SPECC1L: variants seen among roughly 807,000 people sequenced by gnomAD.
The protein encoded by SPECC1L is sperm antigen with calponin homology and coiled-coil domains 1 like, also known as cytospin-A.
In SPECC1L, 40 loss-of-function variants were observed where a neutral mutation model predicts 116.8. That is an observed-to-expected ratio of 0.34 (90% CI 0.27 to 0.45). The LOEUF (loss-of-function observed/expected upper bound fraction) is 0.45, where lower values mean the gene tolerates loss of function less well. SPECC1L is among the 20% of genes least tolerant of loss of function. The pLI is 1.00. For missense variants in SPECC1L, 1,110 were observed against 1,373.6 expected (o/e 0.81, Z 3.03); for synonymous variants, 504 against 500.6 (o/e 1.01, Z -0.09).
chr22:24,335,544 G>A (rs192816007), intron 9 of SPECC1L, among the ~76,000 whole-genome samples: 34 of 152,270 alleles, frequency 2.2e-4, no homozygotes, highest in African/African-American at 7.0e-4. Flanking sequence ...AAGGGATGTG[G>A]TTTTTTCAAA....
rs1425885230 is a variant in SPECC1L at position 24,317,433 on chromosome 22, G to A, written c.308-3855G>A. ...CTCCCAGATGGGGCGCTGGCCGGGC[G>A]GGGGGCTGACCCCCCAACCTCCCGG... is the stretch of plus-strand genomic sequence containing the variant. On this transcript the variant is annotated intron_variant, in intron 4 of 16. Coordinates refer to ENST00000314328, the MANE Select transcript of SPECC1L (RefSeq NM_015330.6). Among the ~76,000 whole-genome samples the A allele has an allele frequency of 2.5e-4, 31 of 125,214 alleles. 2 individuals are homozygous for A. The highest frequency in any genetic ancestry group is 8.0e-4 in the African/African-American group (29 of 36,030). 82.1% of individuals were successfully genotyped at this position (125,214 alleles called of 152,430 possible).
intron 14 of SPECC1L, among the ~76,000 whole-genome samples, chr22:24,386,676 T>C (rs1202688823): frequency 1.3e-5 from 2 of 152,092 alleles, no homozygotes; most frequent in Non-Finnish European, 2.9e-5. Flanking sequence ...CTATCTCAGC[T>C]CACTGCAAGC....
At position 24,322,741 on chromosome 22, in the gene SPECC1L, G is replaced by A; in HGVS notation, c.1761G>A (p.Lys587=). The part of the protein sequence containing the change: ...NRLKAQLENE[K]QKVAELYSIH... Reference sequence around the variant, plus strand: ...TGAAGGCTCAGCTGGAGAATGAAAAGCAGAAAGTGGCAGAGCTGTATTCTA... The same window carrying A: ...TGAAGGCTCAGCTGGAGAATGAAAAACAGAAAGTGGCAGAGCTGTATTCTA... Residue 587 remains lysine, a synonymous_variant, in exon 5 of 17, where the codon AAG becomes AAA. Coordinates refer to ENST00000314328, the MANE Select transcript of SPECC1L (RefSeq NM_015330.6). 1 of 1,579,968 alleles carries A rather than the reference G, an allele frequency of 6.3e-7. No homozygotes were observed. The highest frequency in any genetic ancestry group is 1.2e-5 in the South Asian group (1 of 84,434).
chr22:24,391,059 TAG>T (rs1205508863), intron 14 of SPECC1L, among the ~76,000 whole-genome samples: 2 of 151,784 alleles, frequency 1.3e-5, no homozygotes, highest in African/African-American at 4.8e-5. Context: ...GTATTTTTAG[TAG>T]AGACGGGGTT....
intron 4 of SPECC1L, among the ~76,000 whole-genome samples, chr22:24,315,404 A>G (rs142141964): frequency 9.2e-5 from 14 of 152,392 alleles, no homozygotes; most frequent in Non-Finnish European, 1.9e-4. Context: ...GGCCAAGGCC[A>G]TGCATTCATT....
At chr22:24,292,236 G>T (rs916863563) in intron 2 of SPECC1L, among the ~76,000 whole-genome samples, 11 of 152,194 alleles carry the variant, frequency 7.2e-5, no homozygotes, top group African/African-American at 2.7e-4. Flanking sequence ...ATGACAATAA[G>T]ATAAATTTAC....
chr22:24,392,620 CCATTAGACAA>C (rs2042293219), intron 14 of SPECC1L, among the ~76,000 whole-genome samples: 1 of 152,154 alleles, frequency 6.6e-6, no homozygotes, highest in Non-Finnish European at 1.5e-5. Flanking sequence ...GGGTAATTAG[CCATTAGACAA>C]CATAGGGCGG....
intron 14 of SPECC1L, among the ~76,000 whole-genome samples, chr22:24,398,103 T>G (rs1456424842): frequency 1.3e-5 from 2 of 152,154 alleles, no homozygotes; most frequent in Non-Finnish European, 2.9e-5. Context: ...AGAAAGGGAC[T>G]CAGGAACCAG....
chr22:24,330,540 T>C, intron 8 of SPECC1L, 109 bp downstream of exon 8: 1 of 1,224,006 alleles, frequency 8.2e-7, no homozygotes, highest in Non-Finnish European at 1.2e-6. Flanking sequence ...ACTTACTGAG[T>C]TTGGATCTGA....
Position 24,322,068 on chromosome 22 carries a change from T to TGGATGCACC in SPECC1L, c.1089_1097dup (p.Asp364_Pro366dup). On this transcript the variant is annotated inframe_insertion, in exon 5 of 17. Transcript: ENST00000314328. Reference sequence around the variant, plus strand: ...CCCCTCACATCGAGCGATGATGCGCTGGATGCACCATCCTCCTCAGAGTCG... The same window carrying TGGATGCACC: ...CCCCTCACATCGAGCGATGATGCGCTGGATGCACCGGATGCACCATCCTCCTCAGAGTCG... 2.5e-6 allele frequency: 4 copies of TGGATGCACC among 1,614,190 alleles called. No individual in the cohort carries two copies. Among genetic ancestry groups the TGGATGCACC allele is most frequent in the Non-Finnish European group, 3.4e-6 (4 of 1,180,022 alleles).
intron 14 of SPECC1L, among the ~76,000 whole-genome samples, chr22:24,409,653 T>G (rs2042655124): frequency 6.6e-6 from 1 of 152,100 alleles, no homozygotes; most frequent in South Asian, 2.1e-4. Context: ...TCCTGTCTCT[T>G]TAAAAAGTAA....
Position 24,363,241 on chromosome 22 carries a change from ATTCT to A in SPECC1L, c.2744-15_2744-12del. 6 of 1,607,712 alleles carry A rather than the reference ATTCT, an allele frequency of 3.7e-6. No individual in the cohort carries two copies. Among genetic ancestry groups the A allele is most frequent in the Non-Finnish European group, 5.1e-6 (6 of 1,174,236 alleles). On this transcript the variant is annotated splice_polypyrimidine_tract_variant and intron_variant, in intron 11 of 16. Coordinates refer to ENST00000314328, the MANE Select transcript of SPECC1L (RefSeq NM_015330.6). ...TTCAGCATCAGATTTCTTTATTGGG[ATTCT>A]TTCTACTTTGTACAGAGCATCTGTT...
intron 1 of SPECC1L, among the ~76,000 whole-genome samples, chr22:24,275,716 T>A (rs1312482309): frequency 6.6e-6 from 1 of 152,206 alleles, no homozygotes; most frequent in East Asian, 1.9e-4. Flanking sequence ...CAACTTTTTT[T>A]ATTTTTAGTT....
chr22:24,335,281 C>T (rs2041029370), intron 9 of SPECC1L, among the ~76,000 whole-genome samples: 1 of 152,198 alleles, frequency 6.6e-6, no homozygotes, highest in African/African-American at 2.4e-5. Context: ...AAGATCTTTT[C>T]TTGTTTAAAA....
At chr22:24,272,381 G>T (rs558276284) in intron 1 of SPECC1L, among the ~76,000 whole-genome samples, 2 of 150,422 alleles carry the variant, frequency 1.3e-5, no homozygotes, top group Non-Finnish European at 3.0e-5. Flanking sequence ...ACAAAAACCA[G>T]ATATAACAAG....
chr22:24,298,748 A>T (rs1192010156), intron 2 of SPECC1L, among the ~76,000 whole-genome samples: 2 of 152,202 alleles, frequency 1.3e-5, no homozygotes, highest in Non-Finnish European at 2.9e-5. Context: ...TTTTTGTTTT[A>T]TTCAGGTCTA....
At chr22:24,365,990 G>A (rs1022766774) in intron 13 of SPECC1L, among the ~76,000 whole-genome samples, 12 of 152,052 alleles carry the variant, frequency 7.9e-5, no homozygotes, top group African/African-American at 2.7e-4. Context: ...GACAGGGAGG[G>A]TGGGGGGCAT....
intron 6 of SPECC1L, among the ~76,000 whole-genome samples, chr22:24,326,799 A>T (rs1281983426): frequency 6.6e-6 from 1 of 152,174 alleles, no homozygotes; most frequent in African/African-American, 2.4e-5. Flanking sequence ...TGGGGCAGTG[A>T]ATGAGAGCAA....
At chr22:24,375,049 G>A (rs1268283542) in intron 14 of SPECC1L, among the ~76,000 whole-genome samples, 1 of 152,044 alleles carries the variant, frequency 6.6e-6, no homozygotes, top group African/African-American at 2.4e-5. Flanking sequence ...GGAATACTGT[G>A]AACAATGAAT....
Sources: gnomAD v4.1 joint callset for allele counts (sites outside exome capture counted in the v4.1 genomes callset) on GRCh38, gnomAD v4.1.1 for gene constraint, MANE v1.5 for transcripts, NCBI Gene and HGNC (gene_info 2026-07-23, HGNC 2026-07-21) for gene names.